DENND2A: variants seen among roughly 807,000 people sequenced by gnomAD.
DENND2A encodes the protein DENN domain containing 2A.
Under a neutral mutation model 105.3 loss-of-function variants are expected in DENND2A, and 53 were observed. The ratio of observed to expected loss-of-function variants is 0.50; its 90% CI spans 0.40 to 0.63. The LOEUF (loss-of-function observed/expected upper bound fraction) is 0.63. Among genes scored for constraint, DENND2A ranks in the 30% least tolerant of loss-of-function variants. DENND2A has a pLI of 0.00. For missense variants in DENND2A, 1,138 were observed against 1,279.6 expected, an observed-to-expected ratio of 0.89 and a Z score of 1.69; for synonymous variants, 522 against 508.4, an observed-to-expected ratio of 1.03 and a Z score of -0.36.
chr7:140,617,157 C>T (rs1303805429), intron 1 of DENND2A, among the ~76,000 whole-genome samples: 1 of 152,344 alleles, frequency 6.6e-6, no homozygotes, highest in African/African-American at 2.4e-5. Flanking sequence ...TGTGCACAGC[C>T]TGTAAGGCAG....
At chr7:140,569,250 T>C (rs1015130578) in intron 7 of DENND2A, among the ~76,000 whole-genome samples, 1 of 152,180 alleles carries the variant, frequency 6.6e-6, no homozygotes, top group Non-Finnish European at 1.5e-5. Context: ...TTCAATGTAT[T>C]GCACAAACCA....
At position 140,523,279 on chromosome 7, in the gene DENND2A, A is replaced by C; in HGVS notation, c.2665+28T>G. On this transcript the variant is annotated intron_variant, in intron 17 of 19. Transcript: ENST00000496613. This position sits in a 1 kb window ranked among gnomAD's most constrained non-coding sequence, Gnocchi z 4.5. ...CTGACCCTCAGAGTGGAAGGGAGAGACCCACTGGGAGGTGGCTGAACACTT... is the reference window on the plus strand; with the variant it reads ...CTGACCCTCAGAGTGGAAGGGAGAGCCCCACTGGGAGGTGGCTGAACACTT... 1 of 1,606,504 alleles carries C rather than the reference A, an allele frequency of 6.2e-7. No individual in the cohort carries two copies. The highest frequency in any genetic ancestry group is 1.1e-5 in the South Asian group (1 of 90,958).
rs770280401 is a variant in DENND2A at position 140,602,283 on chromosome 7, G to T, written c.115C>A (p.Pro39Thr). 1 of 1,610,628 alleles carries T rather than the reference G, an allele frequency of 6.2e-7. No homozygotes were observed. The highest frequency in any genetic ancestry group is 8.5e-7 in the Non-Finnish European group (1 of 1,180,004). Residue 39 changes from proline (P) to threonine (T), a missense_variant, in exon 3 of 20, where the codon CCC (proline) becomes ACC (threonine). This residue lies in a region of DENND2A where 511 missense variants were observed against 499.9 expected (regional missense o/e 1.02). Coordinates refer to ENST00000496613, the MANE Select transcript of DENND2A (RefSeq NM_015689.5). ...QNPCPSARAR[P>T]RHKSLNIKDK... Reference sequence around the variant, plus strand: ...TTTATGTTGAGGGACTTGTGCCGGGGTCTGGCTCTGGCAGATGGGCAAGGG... The same window carrying T: ...TTTATGTTGAGGGACTTGTGCCGGGTTCTGGCTCTGGCAGATGGGCAAGGG...
chr7:140,553,996 G>A (rs574198257), intron 12 of DENND2A, among the ~76,000 whole-genome samples: 1 of 152,202 alleles, frequency 6.6e-6, no homozygotes, highest in Non-Finnish European at 1.5e-5. Flanking sequence ...GGGAGGCCGA[G>A]GTGGGCGGAT....
At chr7:140,610,399 C>A (rs1303000397) in intron 1 of DENND2A, among the ~76,000 whole-genome samples, 1 of 151,878 alleles carries the variant, frequency 6.6e-6, no homozygotes, top group African/African-American at 2.4e-5. Flanking sequence ...TCCTCTTACT[C>A]CCAATTACGT....
intron 14 of DENND2A, among the ~76,000 whole-genome samples, chr7:140,532,153 T>C (rs1355843206): frequency 1.1e-4 from 16 of 151,854 alleles, no homozygotes; most frequent in Admixed American, 1.0e-3. Context: ...TAGTCCCAGC[T>C]ACTCGGGAGG....
chr7:140,585,522 C>T (rs1798740317), intron 5 of DENND2A, 67 bp downstream of exon 5: 2 of 1,603,002 alleles, frequency 1.2e-6, no homozygotes, highest in Admixed American at 3.4e-5. Context: ...CTGGCCGGAA[C>T]TCCAGAGTGC....
At chr7:140,576,674 G>C (rs1237256421) in intron 5 of DENND2A, among the ~76,000 whole-genome samples, 2 of 152,104 alleles carry the variant, frequency 1.3e-5, no homozygotes, top group Non-Finnish European at 2.9e-5. Context: ...AAGACTCCTA[G>C]TTTCCTAAGT....
At chr7:140,575,856 C>G (rs1798274529) in intron 5 of DENND2A, among the ~76,000 whole-genome samples, 1 of 151,868 alleles carries the variant, frequency 6.6e-6, no homozygotes, top group Non-Finnish European at 1.5e-5. Flanking sequence ...GTAGTCTCAG[C>G]TACTCGGGAG....
intron 18 of DENND2A, 88 bp from the exon 19 acceptor site, chr7:140,519,806 A>G (rs759990629): frequency 8.0e-7 from 1 of 1,252,640 alleles, no homozygotes; most frequent in Non-Finnish European, 1.2e-6. Flanking sequence ...AGAAAAGAGA[A>G]ACCTTGTTTC....
rs1264932411 is a variant in DENND2A, at chr7:140,557,509, GTA to G, written c.1959+632_1959+633del. 3.9e-3 allele frequency among the ~76,000 whole-genome samples: 65 copies of G among 16,778 alleles called. 2 individuals carry two copies. The highest frequency in any genetic ancestry group is 0.012 in the East Asian group (2 of 170). 11.0% of individuals were successfully genotyped at this position (16,778 alleles called of 152,430 possible). A position where few individuals can be genotyped will look rare whatever the true frequency, so the allele number is the denominator to read the frequency against. ...TGTTTTTTTAATGTTTTATTTTTTAGTATATATATATATATATATATATTTTT... is the reference window on the plus strand; with the variant it reads ...TGTTTTTTTAATGTTTTATTTTTTAGTATATATATATATATATATATTTTT... On this transcript the variant is annotated intron_variant, in intron 11 of 19. Coordinates refer to ENST00000496613, the MANE Select transcript of DENND2A (RefSeq NM_015689.5).
At chr7:140,616,465 T>C (rs1585763402) in intron 1 of DENND2A, among the ~76,000 whole-genome samples, 1 of 151,764 alleles carries the variant, frequency 6.6e-6, no homozygotes, top group Admixed American at 6.6e-5. Flanking sequence ...TGCTAATAGG[T>C]ATGGATTTTG....
Position 140,625,332 on chromosome 7 carries a change from G to A in DENND2A, c.-248+15172C>T, listed in dbSNP as rs142084434. 8.3e-3 allele frequency among the ~76,000 whole-genome samples: 1,235 copies of A among 149,424 alleles called. 15 individuals are homozygous for A. Among genetic ancestry groups the A allele is most frequent in the African/African-American group, 0.03 (1,192 of 40,074 alleles). On this transcript the variant is annotated intron_variant, in intron 1 of 19. Coordinates refer to ENST00000496613, the MANE Select transcript of DENND2A (RefSeq NM_015689.5). ...ACAGAGGCTGCAGTGAGCCGAGATCGCGCCACTGCATTCCAGCCTGGGCGA... is the reference window on the plus strand; with the variant it reads ...ACAGAGGCTGCAGTGAGCCGAGATCACGCCACTGCATTCCAGCCTGGGCGA...
At chr7:140,625,579 T>C (rs1800490935) in intron 1 of DENND2A, among the ~76,000 whole-genome samples, 2 of 149,836 alleles carry the variant, frequency 1.3e-5, no homozygotes, top group Admixed American at 6.6e-5. Context: ...CTTCTGTGGA[T>C]GCTGAGGCAG....
chr7:140,611,470 TGAG>T (rs1799896418), intron 1 of DENND2A, among the ~76,000 whole-genome samples: 1 of 152,094 alleles, frequency 6.6e-6, no homozygotes, highest in African/African-American at 2.4e-5. Flanking sequence ...CCTGGGAGGT[TGAG>T]GCTGCAGCGA....
chr7:140,603,362 T>G (rs1176452287), intron 2 of DENND2A, among the ~76,000 whole-genome samples: 5 of 152,216 alleles, frequency 3.3e-5, no homozygotes, highest in Non-Finnish European at 7.3e-5. Flanking sequence ...CTGCTTTTCT[T>G]ATCCACAGGC....
rs186459233 is a variant in DENND2A at position 140,630,007 on chromosome 7, C to G, written c.-248+10497G>C. ...CGAGTAGCTGGGATTACAACAGGTG[C>G]CTGCCACCATGCCCGGCTAATTTTT... On this transcript the variant is annotated intron_variant, in intron 1 of 19. Transcript: ENST00000496613. Among the ~76,000 whole-genome samples the G allele has an allele frequency of 8.6e-5, 13 of 151,962 alleles. No homozygotes were observed. In the East Asian group the frequency reaches 2.1e-3, roughly 25 times the overall value.
intron 5 of DENND2A, among the ~76,000 whole-genome samples, chr7:140,580,326 T>TATGCATGTATGCATGC (rs1306980024): frequency 6.6e-6 from 1 of 152,142 alleles, no homozygotes; most frequent in Non-Finnish European, 1.5e-5. Flanking sequence ...TGTATGCATG[T>TATGCATGTATGCATGC]ATGTATGTAT....
intron 1 of DENND2A, among the ~76,000 whole-genome samples, chr7:140,609,052 C>T (rs1410758916): frequency 1.1e-4 from 16 of 152,212 alleles, no homozygotes; most frequent in Admixed American, 9.8e-4. Flanking sequence ...AGTTTTTACA[C>T]AACCCAAGGT....
Sources: gnomAD v4.1 joint callset for allele counts (sites outside exome capture counted in the v4.1 genomes callset) on GRCh38, gnomAD v4.1.1 for gene constraint, gnomAD v4.1.1 regional missense constraint, Gnocchi (gnomAD v3.1) non-coding constraint, MANE v1.5 for transcripts, NCBI Gene and HGNC (gene_info 2026-07-23, HGNC 2026-07-21) for gene names.